SLC44A5: variants seen among roughly 807,000 people sequenced by gnomAD.
The protein encoded by SLC44A5 is solute carrier family 44 member 5.
Under a neutral mutation model 101.8 loss-of-function variants are expected in SLC44A5, and 57 were observed. The ratio of observed to expected loss-of-function variants is 0.56; its 90% CI spans 0.45 to 0.70. The LOEUF (loss-of-function observed/expected upper bound fraction) is 0.70. Among genes scored for constraint, SLC44A5 ranks in the 30% least tolerant of loss-of-function variants. The pLI, the probability that SLC44A5 is intolerant of heterozygous loss-of-function variation, is 0.00. For missense variants in SLC44A5, 737 were observed against 853.1 expected (o/e 0.86, Z 1.70); for synonymous variants, 281 against 290.9 (o/e 0.97, Z 0.35).
chr1:75,532,455 G>C (rs1366002535), intron 2 of SLC44A5, among the ~76,000 whole-genome samples: 1 of 152,052 alleles, frequency 6.6e-6, no homozygotes, highest in African/African-American at 2.4e-5. Flanking sequence ...CCTGGCATGT[G>C]GTGCTTCAGA....
intron 5 of SLC44A5, among the ~76,000 whole-genome samples, chr1:75,289,800 A>C (rs1016957592): frequency 1.3e-5 from 2 of 152,230 alleles, no homozygotes; most frequent in Admixed American, 6.5e-5. Context: ...GAAAGAGTAG[A>C]AGATCTGAAT....
chr1:75,218,087 TC>T, intron 17 of SLC44A5, 127 bp from the exon 18 acceptor site: 2 of 664,864 alleles, frequency 3.0e-6, no homozygotes, highest in East Asian at 5.5e-5. Context: ...TTTTGCACTC[TC>T]TTATTTAGAT....
chr1:75,678,328 C>G, the SLC44A5 span, among the ~76,000 whole-genome samples: 437 of 152,228 alleles, frequency 2.9e-3, 4 homozygotes, highest in African/African-American at 9.9e-3. Context: ...CAAACAAAAA[C>G]ACAGCAGTAA....
chr1:75,688,208 C>T, the SLC44A5 span, among the ~76,000 whole-genome samples: 1 of 152,162 alleles, frequency 6.6e-6, no homozygotes, highest in Non-Finnish European at 1.5e-5. Flanking sequence ...CAGTGCTTGG[C>T]TAGCCTCCTA....
chr1:75,571,901 CAAAGT>C (rs771878401), intron 1 of SLC44A5, among the ~76,000 whole-genome samples: 6 of 151,872 alleles, frequency 4.0e-5, no homozygotes, highest in South Asian at 2.1e-4. Flanking sequence ...TTAAAAAAAG[CAAAGT>C]AATCAACAAA....
At chr1:75,586,837 T>C (rs1446679034) in intron 1 of SLC44A5, among the ~76,000 whole-genome samples, 2 of 152,128 alleles carry the variant, frequency 1.3e-5, no homozygotes, top group Non-Finnish European at 2.9e-5. Flanking sequence ...AGACAGTCAA[T>C]AAAATGCTTA....
At chr1:75,541,414 T>G (rs1671350079) in intron 2 of SLC44A5, 21 bp downstream of exon 2, 1 of 1,574,948 alleles carries the variant, frequency 6.3e-7, no homozygotes, top group African/African-American at 1.3e-5. Context: ...CAAGAGGAAC[T>G]TAATTCAAGT....
upstream of SLC44A5, among the ~76,000 whole-genome samples, chr1:75,614,628 C>T (rs552663884): frequency 1.3e-5 from 2 of 152,332 alleles, no homozygotes; most frequent in Admixed American, 1.3e-4. Flanking sequence ...CTGAGCGCTG[C>T]TGTAGTCCAA....
chr1:75,519,767 TAAC>T (rs1371178692), intron 2 of SLC44A5, among the ~76,000 whole-genome samples: 1 of 152,244 alleles, frequency 6.6e-6, no homozygotes, highest in Non-Finnish European at 1.5e-5. Flanking sequence ...AACAACTCTC[TAAC>T]AACTTTGCTC....
At position 75,203,428 on chromosome 1, in the gene SLC44A5, T is replaced by G. The variant is rs957221047; in HGVS notation, c.*299A>C. ...AATGTATCATTTTTCAATCTAAGAT[T>G]TAAAAGAATATTAACATATTCAGTA... On this transcript the variant is annotated 3_prime_UTR_variant, in exon 24 of 24. Coordinates refer to ENST00000370859, the MANE Select transcript of SLC44A5 (RefSeq NM_001130058.2). The G allele has an allele frequency of 2.9e-5, 6 of 206,786 alleles. No individual in the cohort carries two copies. Among genetic ancestry groups the G allele is most frequent in the Non-Finnish European group, 4.8e-5 (5 of 104,424 alleles). 12.8% of individuals were successfully genotyped at this position (206,786 alleles called of 1,614,324 possible).
intron 5 of SLC44A5, among the ~76,000 whole-genome samples, chr1:75,280,823 T>C (rs1652480432): frequency 6.6e-6 from 1 of 152,012 alleles, no homozygotes; most frequent in Non-Finnish European, 1.5e-5. Context: ...CCTTCTGCCA[T>C]GATTGTAAAT....
intron 22 of SLC44A5, among the ~76,000 whole-genome samples, chr1:75,212,744 T>C (rs1284528976): frequency 6.6e-6 from 1 of 152,088 alleles, no homozygotes; most frequent in Non-Finnish European, 1.5e-5. Flanking sequence ...AACAAGTGAA[T>C]TATCCTTTCT....
intron 2 of SLC44A5, among the ~76,000 whole-genome samples, chr1:75,516,076 T>C (rs565026776): frequency 6.6e-6 from 1 of 152,346 alleles, no homozygotes; most frequent in East Asian, 1.9e-4. Flanking sequence ...GTTTTCCAAT[T>C]ATAATAGAGC....
Position 75,245,751 on chromosome 1 carries a change from T to C in SLC44A5, c.346-2740A>G, listed in dbSNP as rs188931631. ...GTTTGTTAAGGAGAATCACATCAAA[T>C]CTCATTCTAGACACAAATGAGCTGT... On this transcript the variant is annotated intron_variant, in intron 7 of 23. Coordinates refer to ENST00000370859, the MANE Select transcript of SLC44A5 (RefSeq NM_001130058.2). 2.6e-3 allele frequency among the ~76,000 whole-genome samples: 403 copies of C among 152,244 alleles called. 1 individual carries two copies. Among genetic ancestry groups the C allele is most frequent in the Admixed American group, 4.4e-3 (67 of 15,276 alleles).
At chr1:75,330,150 CGTATATGCATATATAT>C (rs1557669672) in intron 4 of SLC44A5, among the ~76,000 whole-genome samples, 7 of 68,176 alleles carry the variant, frequency 1.0e-4, no homozygotes, top group South Asian at 5.0e-4. Flanking sequence ...CATGCATATA[CGTATATGCATATATAT>C]ACGTATATAT....
chr1:75,252,541 A>G (rs1201514013), intron 6 of SLC44A5, among the ~76,000 whole-genome samples: 1 of 152,196 alleles, frequency 6.6e-6, no homozygotes, highest in Non-Finnish European at 1.5e-5. Flanking sequence ...TCTCCCTACA[A>G]TCCTCACTGA....
chr1:75,574,910 A>T (rs933707462), intron 1 of SLC44A5, among the ~76,000 whole-genome samples: 3 of 152,160 alleles, frequency 2.0e-5, no homozygotes, highest in African/African-American at 7.2e-5. Flanking sequence ...TTGGTCTGTA[A>T]GGGAATAACA....
intron 6 of SLC44A5, 103 bp from the exon 7 acceptor site, chr1:75,251,397 A>G (rs757414204): frequency 2.3e-6 from 2 of 879,312 alleles, no homozygotes; most frequent in African/African-American, 1.7e-5. Flanking sequence ...AATTGGTTTC[A>G]TTATCTACAG....
intron 2 of SLC44A5, among the ~76,000 whole-genome samples, chr1:75,457,032 C>G (rs1272628576): frequency 6.6e-6 from 1 of 152,210 alleles, no homozygotes; most frequent in Non-Finnish European, 1.5e-5. Context: ...AAGCACAGAT[C>G]TAAGATTATA....
Sources: allele counts gnomAD v4.1 joint callset (sites outside exome capture counted in the v4.1 genomes callset), GRCh38; gene constraint gnomAD v4.1.1; transcripts MANE v1.5; gene names NCBI Gene and HGNC (gene_info 2026-07-23, HGNC 2026-07-21).